Variants in GALNT17 observed in about 807,000 individuals in gnomAD.
GALNT17 encodes the protein polypeptide N-acetylgalactosaminyltransferase 17.
GALNT17 carries 29 observed loss-of-function variants against 63.7 expected under a neutral mutation model. The observed-to-expected ratio is 0.46, with a 90% CI of 0.34 to 0.62. The LOEUF is 0.62. Among genes scored for constraint, GALNT17 ranks in the 20% least tolerant of loss-of-function variants. The pLI is 0.01. For missense variants in GALNT17, 603 were observed against 799.6 expected (o/e 0.75, Z 2.97); for synonymous variants, 305 against 318.3 (o/e 0.96, Z 0.45).
intron 1 of GALNT17, among the ~76,000 whole-genome samples, chr7:71,328,756 G>A (rs569811347): frequency 4.0e-5 from 6 of 151,312 alleles, no homozygotes; most frequent in African/African-American, 4.9e-5. Flanking sequence ...GTGTCACATC[G>A]CACTGTGAGG....
intron 1 of GALNT17, among the ~76,000 whole-genome samples, chr7:71,166,468 CAA>C (rs556065588): frequency 6.4e-4 from 97 of 152,316 alleles, no homozygotes; most frequent in Non-Finnish European, 1.1e-3. Context: ...CCATCACCCC[CAA>C]AAGACTGTGC....
chr7:71,223,466 G>A (rs772991665), intron 1 of GALNT17, among the ~76,000 whole-genome samples: 7 of 151,500 alleles, frequency 4.6e-5, no homozygotes, highest in Non-Finnish European at 8.8e-5. Context: ...TTGACCACTG[G>A]GAACTCTTTC....
At chr7:71,359,756 G>A (rs749860688) in intron 2 of GALNT17, among the ~76,000 whole-genome samples, 2 of 152,036 alleles carry the variant, frequency 1.3e-5, no homozygotes, top group Non-Finnish European at 2.9e-5. Context: ...GCTAATTTTT[G>A]TGCTTTTAGT....
chr7:71,529,384 G>A (rs1027395108), intron 5 of GALNT17, among the ~76,000 whole-genome samples: 12 of 152,064 alleles, frequency 7.9e-5, no homozygotes, highest in Non-Finnish European at 1.5e-4. Context: ...AATTTGGCCC[G>A]ATGGGCGTAT....
chr7:71,336,929 C>T (rs1324668666), intron 2 of GALNT17, among the ~76,000 whole-genome samples: 2 of 152,150 alleles, frequency 1.3e-5, no homozygotes, highest in African/African-American at 4.8e-5. Flanking sequence ...TCTACAATGG[C>T]GGAACTAATT....
At chr7:71,698,273 A>G (rs1423376866) in intron 9 of GALNT17, among the ~76,000 whole-genome samples, 4 of 152,206 alleles carry the variant, frequency 2.6e-5, no homozygotes, top group African/African-American at 7.2e-5. Context: ...AGGAACTTCT[A>G]AAGAATGTAC....
chr7:71,713,035 G>C lies in GALNT17; in HGVS notation c.*889G>C, dbSNP rs1055155413. ...TGCCAGGACCCTTGAAGATGCTTTT[G>C]GCTCACCTCATTTCACCCCACGCTC... On this transcript the variant is annotated 3_prime_UTR_variant, in exon 11 of 11. Coordinates refer to ENST00000333538, the MANE Select transcript of GALNT17 (RefSeq NM_022479.3). 1 of 152,694 alleles carries C rather than the reference G, an allele frequency of 6.5e-6. No homozygotes were observed. Among genetic ancestry groups the C allele is most frequent in the African/African-American group, 2.4e-5 (1 of 41,456 alleles). The allele number at this position is 152,694 out of a possible 1,614,324, so 9.5% of individuals were successfully genotyped here.
At chr7:71,437,576 C>G (rs1228614576) in intron 5 of GALNT17, among the ~76,000 whole-genome samples, 2 of 152,182 alleles carry the variant, frequency 1.3e-5, no homozygotes, top group Non-Finnish European at 2.9e-5. Flanking sequence ...CTGCTGCCTT[C>G]CCACAGGGCT....
At chr7:71,687,729 AT>A (rs1341225788) in intron 9 of GALNT17, among the ~76,000 whole-genome samples, 4 of 152,094 alleles carry the variant, frequency 2.6e-5, no homozygotes, top group Admixed American at 6.6e-5. Flanking sequence ...CTTTTTAAAA[AT>A]TTTTTTATTA....
intron 6 of GALNT17, among the ~76,000 whole-genome samples, chr7:71,593,344 C>T (rs1264398560): frequency 7.4e-6 from 1 of 134,360 alleles, no homozygotes; most frequent in Non-Finnish European, 1.5e-5. Flanking sequence ...CGGCTCATTA[C>T]ATCCTCCGCC....
At chr7:71,693,819 TAA>T (rs10695372) in intron 9 of GALNT17, among the ~76,000 whole-genome samples, 18 of 144,970 alleles carry the variant, frequency 1.2e-4, no homozygotes, top group African/African-American at 4.4e-4. Flanking sequence ...TAAAAAAAGT[TAA>T]AAAAAAAAAA....
At chr7:71,361,300 T>C (rs1365504962) in intron 2 of GALNT17, among the ~76,000 whole-genome samples, 1 of 152,152 alleles carries the variant, frequency 6.6e-6, no homozygotes, top group East Asian at 1.9e-4. Flanking sequence ...ATCAACAACA[T>C]TTGAGTCTTG....
At chr7:71,573,526 G>A (rs1431663942) in intron 6 of GALNT17, among the ~76,000 whole-genome samples, 1 of 149,992 alleles carries the variant, frequency 6.7e-6, no homozygotes, top group Non-Finnish European at 1.5e-5. Context: ...AGTAGAAATG[G>A]GATTTCACTG....
chr7:71,136,352 A>G (rs1585829148), intron 1 of GALNT17, among the ~76,000 whole-genome samples: 2 of 152,180 alleles, frequency 1.3e-5, no homozygotes, highest in South Asian at 4.1e-4. Flanking sequence ...CTGTGCATGT[A>G]AGAGGGCCAA....
intron 1 of GALNT17, among the ~76,000 whole-genome samples, chr7:71,297,519 C>T (rs1791103883): frequency 9.2e-6 from 1 of 108,248 alleles, no homozygotes; most frequent in Non-Finnish European, 2.2e-5. Context: ...GCCCCAGCTA[C>T]TTAGAAGGCT....
intron 1 of GALNT17, among the ~76,000 whole-genome samples, chr7:71,233,832 T>C (rs1789837877): frequency 6.6e-6 from 1 of 152,134 alleles, no homozygotes; most frequent in Non-Finnish European, 1.5e-5. Context: ...TTTCATTGAC[T>C]CACAGTTCCA....
At chr7:71,385,639 T>C (rs1246412275) in intron 2 of GALNT17, among the ~76,000 whole-genome samples, 1 of 152,056 alleles carries the variant, frequency 6.6e-6, no homozygotes, top group Non-Finnish European at 1.5e-5. Context: ...CACATCCCCC[T>C]TGAAGGGAAA....
intron 1 of GALNT17, among the ~76,000 whole-genome samples, chr7:71,148,854 GTATTTTTATATATATATATA>G (rs1287986040): frequency 1.3e-4 from 12 of 94,038 alleles, no homozygotes; most frequent in African/African-American, 3.7e-4. Context: ...TAGTATTATG[GTATTTTTATATATATATATA>G]TATATATATA....
At position 71,459,933 on chromosome 7, in the gene GALNT17, C is replaced by T. The variant is rs114323870; in HGVS notation, c.962+38828C>T. 1.9e-3 allele frequency among the ~76,000 whole-genome samples: 297 copies of T among 152,322 alleles called. 3 individuals carry two copies. Among genetic ancestry groups the T allele is most frequent in the African/African-American group, 7.0e-3 (290 of 41,576 alleles). On this transcript the variant is annotated intron_variant, in intron 5 of 10. Coordinates refer to ENST00000333538, the MANE Select transcript of GALNT17 (RefSeq NM_022479.3). ...TCTATTAACCCCAGGTCTTTAGACA[C>T]ACTCAACCAGTTGTCAACTAGAAAG... is the stretch of plus-strand genomic sequence containing the variant.
Sources: allele counts gnomAD v4.1 joint callset (sites outside exome capture counted in the v4.1 genomes callset), GRCh38; gene constraint gnomAD v4.1.1; transcripts MANE v1.5; gene names NCBI Gene and HGNC (gene_info 2026-07-23, HGNC 2026-07-21).